LNX1: variants seen among roughly 807,000 people sequenced by gnomAD.
The protein encoded by LNX1 is ligand of numb-protein X 1.
LNX1 carries 54 observed loss-of-function variants against 68.4 expected under a neutral mutation model. The ratio of observed to expected loss-of-function variants is 0.79; its 90% CI spans 0.63 to 0.99. The LOEUF (loss-of-function observed/expected upper bound fraction) is 0.99, where lower values mean the gene tolerates loss of function less well. Among genes scored for constraint, LNX1 ranks in the 50% least tolerant of loss-of-function variants. The probability of loss-of-function intolerance (pLI) is 0.00; values close to 1 mark genes in which losing one functional copy is unlikely to be tolerated. For synonymous variants in LNX1, 336 were observed against 350.0 expected, an observed-to-expected ratio of 0.96 and a Z score of 0.45; for missense variants, 906 against 926.4, an observed-to-expected ratio of 0.98 and a Z score of 0.29.
chr4:53,482,856 C>T (rs973203698), intron 6 of LNX1, among the ~76,000 whole-genome samples: 3 of 152,166 alleles, frequency 2.0e-5, no homozygotes, highest in Admixed American at 6.5e-5. Flanking sequence ...TATTGAAATA[C>T]AAAATGTTTA....
At position 53,501,299 on chromosome 4, in the gene LNX1, T is replaced by TTG. The variant is rs56165716; in HGVS notation, c.776-2457_776-2456insCA. ...TAATAATCTTTTTTTTTTTTTTTTT[T>TTG]GGGGGTGGGGGGACAGGATCTCACT... On this transcript the variant is annotated intron_variant, in intron 4 of 10. Transcript: ENST00000263925. Among the ~76,000 whole-genome samples the TTG allele has an allele frequency of 6.7e-4, 26 of 38,800 alleles. 5 individuals carry two copies. Among genetic ancestry groups the TTG allele is most frequent in the Admixed American group, 2.0e-3 (5 of 2,494 alleles). The allele number at this position is 38,800 out of a possible 152,430, so 25.5% of individuals were successfully genotyped here.
chr4:53,461,376 C>G (rs1579334704), intron 10 of LNX1, 59 bp downstream of exon 10: 11 of 1,376,568 alleles, frequency 8.0e-6, no homozygotes, highest in South Asian at 1.3e-5. Flanking sequence ...TGGGGCCAAG[C>G]TTTGGCATTT....
At chr4:53,500,209 T>C (rs1725373245) in intron 4 of LNX1, 1 of 151,982 alleles carries the variant, frequency 6.6e-6, no homozygotes, top group South Asian at 2.1e-4. Context: ...CCAGAGCCCA[T>C]GAGGGACTTG....
chr4:53,637,870 C>T (rs767368929), intron 1 of LNX1, among the ~76,000 whole-genome samples: 13 of 152,290 alleles, frequency 8.5e-5, no homozygotes, highest in South Asian at 6.2e-4. Context: ...CACTCAAAGT[C>T]GCACCTTCTA....
At chr4:53,516,894 C>A (rs192009642) in intron 2 of LNX1, among the ~76,000 whole-genome samples, 43 of 152,182 alleles carry the variant, frequency 2.8e-4, no homozygotes, top group Non-Finnish European at 5.1e-4. Context: ...ATGAAGTTGA[C>A]AACAGAGGGC....
intron 2 of LNX1, among the ~76,000 whole-genome samples, chr4:53,561,979 G>T (rs1325337429): frequency 6.6e-6 from 1 of 152,116 alleles, no homozygotes; most frequent in Non-Finnish European, 1.5e-5. Flanking sequence ...GTTGTCCTAT[G>T]AAACAATTCA....
intron 2 of LNX1, among the ~76,000 whole-genome samples, chr4:53,512,516 G>GTGTGTA (rs1726428944): frequency 1.1e-5 from 1 of 90,600 alleles, no homozygotes; most frequent in Non-Finnish European, 2.8e-5. Flanking sequence ...GTGTGTGTGT[G>GTGTGTA]TGCATGCAGA....
chr4:53,647,374 A>ATC (rs141120731), intron 1 of LNX1, among the ~76,000 whole-genome samples: 6 of 152,068 alleles, frequency 3.9e-5, no homozygotes, highest in Non-Finnish European at 7.4e-5. Flanking sequence ...TTAGGAAGCA[A>ATC]TCTCTCTCTC....
At chr4:53,541,335 G>A (rs1410209662) in intron 2 of LNX1, among the ~76,000 whole-genome samples, 2 of 152,014 alleles carry the variant, frequency 1.3e-5, no homozygotes, top group Non-Finnish European at 2.9e-5. Flanking sequence ...AAAAAAAGAG[G>A]TTGGGCTGAA....
At chr4:53,518,333 G>A (rs1218001501) in intron 2 of LNX1, among the ~76,000 whole-genome samples, 3 of 152,212 alleles carry the variant, frequency 2.0e-5, no homozygotes, top group Non-Finnish European at 4.4e-5. Flanking sequence ...TCTCTGCACA[G>A]TTCCAATTTC....
At chr4:53,488,466 G>A (rs1235711343) in intron 6 of LNX1, among the ~76,000 whole-genome samples, 5 of 152,094 alleles carry the variant, frequency 3.3e-5, no homozygotes, top group African/African-American at 9.7e-5. Context: ...TTCTGGACTC[G>A]CTGTAATAAA....
chr4:53,596,767 C>T (rs1311735137), intron 2 of LNX1, among the ~76,000 whole-genome samples: 1 of 152,128 alleles, frequency 6.6e-6, no homozygotes, highest in African/African-American at 2.4e-5. Context: ...ATGACCCCTC[C>T]AGCATCCCTG....
At chr4:53,620,834 G>T (rs1004036477), upstream of LNX1, among the ~76,000 whole-genome samples, 1 of 152,126 alleles carries the variant, frequency 6.6e-6, no homozygotes, top group Admixed American at 6.5e-5. Context: ...AGTGCAGCAC[G>T]CTCTAAATCA....
At chr4:53,630,443 T>C (rs1304978603) in intron 1 of LNX1, among the ~76,000 whole-genome samples, 5 of 152,170 alleles carry the variant, frequency 3.3e-5, no homozygotes, top group Non-Finnish European at 7.3e-5. Flanking sequence ...TCAGCCCTCA[T>C]ACTGGATGTA....
At chr4:53,621,905 A>T (rs1733893744), upstream of LNX1, among the ~76,000 whole-genome samples, 1 of 152,058 alleles carries the variant, frequency 6.6e-6, no homozygotes, top group Admixed American at 6.6e-5. Flanking sequence ...TAATAAGTGA[A>T]GAAGTTGTAA....
intron 9 of LNX1, among the ~76,000 whole-genome samples, chr4:53,471,534 T>C (rs1723183933): frequency 6.6e-6 from 1 of 152,064 alleles, no homozygotes; most frequent in African/African-American, 2.4e-5. Context: ...CGAAAGAAAC[T>C]ACCATCAGAG....
chr4:53,595,395 C>G (rs1732703676), upstream of LNX1, among the ~76,000 whole-genome samples: 1 of 152,220 alleles, frequency 6.6e-6, no homozygotes. Flanking sequence ...TGCCTGTTGA[C>G]TACTTTTCTC....
chr4:53,508,161 T>C lies in LNX1; in HGVS notation c.447A>G (p.Pro149=). Residue 149 remains proline (P), a synonymous_variant, in exon 3 of 11, where the codon CCA becomes CCG. Transcript: ENST00000263925. ...TGGCTGTGAGGCTCGCACAGCCGTC[T>C]GGACAGCCATCTTGTGAGCGCCTCT... The part of the protein sequence containing the change: ...DRKRRSQDGC[P]DGCASLTATA... 18 of 1,614,206 alleles carry C rather than the reference T, an allele frequency of 1.1e-5. No individual in the cohort carries two copies. Among genetic ancestry groups the C allele is most frequent in the Non-Finnish European group, 1.4e-5 (17 of 1,180,026 alleles).
chr4:53,495,994 C>T (rs751997056), intron 6 of LNX1, 29 bp downstream of exon 6: 2 of 1,591,800 alleles, frequency 1.3e-6, no homozygotes, highest in South Asian at 1.1e-5. Context: ...GGGTTTCTGA[C>T]TGGGATCCTG....
Sources: allele counts gnomAD v4.1 joint callset (sites outside exome capture counted in the v4.1 genomes callset), GRCh38; gene constraint gnomAD v4.1.1; transcripts MANE v1.5; gene names NCBI Gene and HGNC (gene_info 2026-07-23, HGNC 2026-07-21).